SORCS1: variants seen among roughly 807,000 people sequenced by gnomAD.
The protein encoded by SORCS1 is sortilin related VPS10 domain containing receptor 1.
SORCS1 carries 60 observed loss-of-function variants against 146.1 expected under a neutral mutation model. The ratio of observed to expected loss-of-function variants is 0.41; its 90% CI spans 0.33 to 0.51. The LOEUF is 0.51. Ranked by LOEUF, SORCS1 falls within the 20% of genes least tolerant of loss-of-function variation. The pLI is 0.21. For missense variants in SORCS1, 1,352 were observed against 1,487.6 expected (o/e 0.91, Z 1.50); for synonymous variants, 637 against 584.0 (o/e 1.09, Z -1.31).
At chr10:107,103,623 G>A (rs1017419640) in intron 1 of SORCS1, among the ~76,000 whole-genome samples, 42 of 152,258 alleles carry the variant, frequency 2.8e-4, no homozygotes, top group African/African-American at 7.7e-4. Flanking sequence ...ATTTATCATC[G>A]GAGTTGTTGC....
intron 2 of SORCS1, among the ~76,000 whole-genome samples, chr10:106,886,061 A>G (rs1950989281): frequency 6.6e-6 from 1 of 152,156 alleles, no homozygotes; most frequent in Non-Finnish European, 1.5e-5. Flanking sequence ...CAGGAGTTCC[A>G]GACCAGCCTG....
chr10:106,665,127 C>T (rs2135410950), intron 17 of SORCS1, among the ~76,000 whole-genome samples: 1 of 152,220 alleles, frequency 6.6e-6, no homozygotes, highest in Admixed American at 6.5e-5. Context: ...GGAATCATTA[C>T]AATCCTTTTC....
intron 25 of SORCS1, 194 bp from the exon 26 acceptor site, chr10:106,577,749 G>T: frequency 8.7e-7 from 1 of 1,151,110 alleles, no homozygotes; most frequent in Non-Finnish European, 1.2e-6. Context: ...GCACTTAGAA[G>T]CTTTAGGAAT....
chr10:107,155,686 C>A (rs1041419929), intron 1 of SORCS1, among the ~76,000 whole-genome samples: 3 of 152,174 alleles, frequency 2.0e-5, no homozygotes, highest in South Asian at 2.1e-4. Context: ...CCCCACCGAC[C>A]CATCCACCAC....
chr10:106,734,456 T>A (rs1856812922), intron 5 of SORCS1, among the ~76,000 whole-genome samples: 1 of 152,202 alleles, frequency 6.6e-6, no homozygotes, highest in Non-Finnish European at 1.5e-5. Context: ...CATGTTATAA[T>A]TGGTGACTCA....
chr10:106,928,837 T>G, intron 2 of SORCS1, among the ~76,000 whole-genome samples: 1 of 151,216 alleles, frequency 6.6e-6, no homozygotes, highest in Non-Finnish European at 1.5e-5. Flanking sequence ...CCCCAATACC[T>G]ATTTTTTATC....
chr10:106,871,600 AT>A (rs750957112), intron 2 of SORCS1, among the ~76,000 whole-genome samples: 16 of 152,340 alleles, frequency 1.1e-4, no homozygotes, highest in Non-Finnish European at 1.9e-4. Context: ...GGGAACATGA[AT>A]AGAGATGGAG....
At chr10:106,970,897 C>T (rs981151710) in intron 1 of SORCS1, among the ~76,000 whole-genome samples, 3 of 144,884 alleles carry the variant, frequency 2.1e-5, no homozygotes, top group Non-Finnish European at 4.5e-5. Flanking sequence ...CGCCACCATG[C>T]ACAGCTAATT....
chr10:106,931,785 T>C (rs1409842394), intron 2 of SORCS1, among the ~76,000 whole-genome samples: 1 of 152,228 alleles, frequency 6.6e-6, no homozygotes, highest in Non-Finnish European at 1.5e-5. Flanking sequence ...ATGAACTCAC[T>C]GCTGTTCATT....
At chr10:107,166,697 T>G (rs1192008895), upstream of SORCS1, among the ~76,000 whole-genome samples, 2 of 152,248 alleles carry the variant, frequency 1.3e-5, no homozygotes, top group Non-Finnish European at 2.9e-5. Context: ...GATCATTTAC[T>G]TAATGACTTC....
intron 3 of SORCS1, among the ~76,000 whole-genome samples, chr10:106,817,644 G>A (rs145086726): frequency 1.3e-3 from 196 of 152,242 alleles, no homozygotes; most frequent in African/African-American, 4.5e-3. Flanking sequence ...AGTAGAATAT[G>A]TAACATAATA....
At chr10:107,069,450 A>G (rs565118111) in intron 1 of SORCS1, among the ~76,000 whole-genome samples, 12 of 151,734 alleles carry the variant, frequency 7.9e-5, no homozygotes, top group Non-Finnish European at 1.8e-4. Context: ...ATGTCGGCTC[A>G]CTGCAACCTT....
intron 2 of SORCS1, among the ~76,000 whole-genome samples, chr10:106,836,001 G>A (rs1275745011): frequency 1.6e-5 from 2 of 124,534 alleles, no homozygotes; most frequent in Non-Finnish European, 3.5e-5. Context: ...GCGAGACTGC[G>A]TCTAAAAAAA....
At chr10:107,064,154 C>A (rs1425538594) in intron 1 of SORCS1, among the ~76,000 whole-genome samples, 3 of 152,092 alleles carry the variant, frequency 2.0e-5, no homozygotes, top group Admixed American at 2.0e-4. Flanking sequence ...GAAGTCATTT[C>A]TATTTTAACA....
intron 1 of SORCS1, among the ~76,000 whole-genome samples, chr10:107,104,019 TG>T: frequency 6.6e-6 from 1 of 152,220 alleles, no homozygotes; most frequent in East Asian, 1.9e-4. Flanking sequence ...AGAACCTTTT[TG>T]GACACAAATG....
intron 12 of SORCS1, among the ~76,000 whole-genome samples, chr10:106,678,250 AG>A (rs1432618420): frequency 6.6e-6 from 1 of 152,218 alleles, no homozygotes; most frequent in East Asian, 1.9e-4. Context: ...GTTGGAAAGA[AG>A]AAAATGGGAT....
chr10:106,602,217 G>A (rs923421399), intron 23 of SORCS1, among the ~76,000 whole-genome samples: 1 of 152,108 alleles, frequency 6.6e-6, no homozygotes, highest in East Asian at 1.9e-4. Context: ...GCTAAAATAC[G>A]AATATTTATT....
intron 5 of SORCS1, among the ~76,000 whole-genome samples, chr10:106,745,028 A>G (rs892246424): frequency 6.6e-6 from 1 of 152,220 alleles, no homozygotes. Flanking sequence ...TTAGCCAAAA[A>G]GTCTTGCCCT....
chr10:106,992,976 C>T (rs2139509786), intron 1 of SORCS1, among the ~76,000 whole-genome samples: 1 of 152,060 alleles, frequency 6.6e-6, no homozygotes. Context: ...GGATTACAGG[C>T]ATGCACCACC....
Sources: allele counts gnomAD v4.1 joint callset (sites outside exome capture counted in the v4.1 genomes callset), GRCh38; gene constraint gnomAD v4.1.1; transcripts MANE v1.5; gene names NCBI Gene and HGNC (gene_info 2026-07-23, HGNC 2026-07-21).